NKAIN2: variants seen among roughly 807,000 people sequenced by gnomAD.
NKAIN2 encodes sodium/potassium transporting ATPase interacting 2.
A neutral mutation model predicts 32.6 loss-of-function variants in NKAIN2; 14 were observed. That is an observed-to-expected ratio of 0.43 (90% CI 0.28 to 0.67). NKAIN2 has a LOEUF of 0.67. Ranked by LOEUF, NKAIN2 falls within the 30% of genes least tolerant of loss-of-function variation. The probability of loss-of-function intolerance (pLI) is 0.17; values close to 1 mark genes in which losing one functional copy is unlikely to be tolerated. For missense variants in NKAIN2, 198 were observed against 258.3 expected, an observed-to-expected ratio of 0.77 and a Z score of 1.60; for synonymous variants, 80 against 87.2, an observed-to-expected ratio of 0.92 and a Z score of 0.46.
chr6:124,480,782 A>G (rs910075235), intron 3 of NKAIN2, among the ~76,000 whole-genome samples: 10 of 152,146 alleles, frequency 6.6e-5, no homozygotes, highest in African/African-American at 2.4e-4. Context: ...GAAAAGTGTA[A>G]TATCTGAAAT....
chr6:123,954,814 G>A (rs968778181), intron 1 of NKAIN2, among the ~76,000 whole-genome samples: 1 of 152,100 alleles, frequency 6.6e-6, no homozygotes, highest in Non-Finnish European at 1.5e-5. Context: ...CTTCAGCTCA[G>A]GTTTTGAGTC....
chr6:124,653,444 C>CAAAAAAA (rs35842873), intron 3 of NKAIN2, among the ~76,000 whole-genome samples: 15 of 79,662 alleles, frequency 1.9e-4, no homozygotes, highest in East Asian at 4.0e-4. Flanking sequence ...CATCCACATG[C>CAAAAAAA]AAAAAAAAAA....
intron 1 of NKAIN2, among the ~76,000 whole-genome samples, chr6:124,080,594 A>C (rs1315553891): frequency 1.3e-5 from 2 of 152,128 alleles, no homozygotes; most frequent in African/African-American, 4.8e-5. Context: ...AGACCAAAAA[A>C]CATTGTACCA....
intron 3 of NKAIN2, among the ~76,000 whole-genome samples, chr6:124,609,628 C>T (rs1782618945): frequency 6.6e-6 from 1 of 152,070 alleles, no homozygotes; most frequent in South Asian, 2.1e-4. Context: ...CACCTCCTCC[C>T]CTGCCTCTCC....
intron 1 of NKAIN2, among the ~76,000 whole-genome samples, chr6:123,865,608 G>A (rs1437531364): frequency 5.9e-5 from 9 of 151,964 alleles, no homozygotes; most frequent in Non-Finnish European, 1.5e-5. Context: ...CTTTAATGCA[G>A]TTATTTCACA....
At chr6:124,542,452 G>A (rs896507975) in intron 3 of NKAIN2, among the ~76,000 whole-genome samples, 2 of 151,992 alleles carry the variant, frequency 1.3e-5, no homozygotes, top group Non-Finnish European at 2.9e-5. Flanking sequence ...TAGGTGTCTT[G>A]GACAACTGCT....
chr6:124,506,353 T>C (rs1256844686), intron 3 of NKAIN2, among the ~76,000 whole-genome samples: 2 of 152,170 alleles, frequency 1.3e-5, no homozygotes, highest in South Asian at 2.1e-4. Flanking sequence ...TGGTCAAAAG[T>C]AGTGTTCTAT....
rs73565319 is a variant in NKAIN2, at chr6:124,523,189, C to A, written c.274-134997C>A. 3.1e-3 allele frequency among the ~76,000 whole-genome samples: 465 copies of A among 150,018 alleles called. 4 individuals carry two copies. The highest frequency in any genetic ancestry group is 0.011 in the African/African-American group (445 of 40,990). On this transcript the variant is annotated intron_variant, in intron 3 of 6. Coordinates refer to ENST00000368417, the MANE Select transcript of NKAIN2 (RefSeq NM_001040214.3). ...ATCTTTAACTGAATTTTTTTTCTAT[C>A]TAACTATTCATTTCCCGAATCCTCT...
At chr6:124,191,054 C>T (rs558740990) in intron 1 of NKAIN2, among the ~76,000 whole-genome samples, 72 of 152,284 alleles carry the variant, frequency 4.7e-4, no homozygotes, top group African/African-American at 1.6e-3. Context: ...GTGAGGTTCA[C>T]GCTTGCTGTT....
chr6:124,238,873 A>G (rs1055243451), intron 1 of NKAIN2, among the ~76,000 whole-genome samples: 4 of 152,212 alleles, frequency 2.6e-5, no homozygotes, highest in Non-Finnish European at 5.9e-5. Flanking sequence ...GCATCAACAA[A>G]TTGGCAAAAT....
At chr6:124,737,405 T>C (rs1297973492) in intron 4 of NKAIN2, among the ~76,000 whole-genome samples, 4 of 151,830 alleles carry the variant, frequency 2.6e-5, no homozygotes, top group Admixed American at 6.6e-5. Flanking sequence ...TCTGCCATGA[T>C]TGTAAGTTTC....
At chr6:124,439,284 G>A (rs1187560294) in intron 3 of NKAIN2, among the ~76,000 whole-genome samples, 2 of 151,598 alleles carry the variant, frequency 1.3e-5, no homozygotes, top group East Asian at 3.9e-4. Context: ...TACTCCCTAT[G>A]TTCATCCTAA....
At chr6:124,528,568 T>C (rs1040415030) in intron 3 of NKAIN2, among the ~76,000 whole-genome samples, 2 of 152,160 alleles carry the variant, frequency 1.3e-5, no homozygotes, top group African/African-American at 4.8e-5. Flanking sequence ...GATTACCACA[T>C]ATAGAGAAAT....
intron 3 of NKAIN2, among the ~76,000 whole-genome samples, chr6:124,632,016 T>C (rs1400916868): frequency 1.3e-5 from 2 of 152,152 alleles, no homozygotes; most frequent in African/African-American, 2.4e-5. Context: ...TATTTCTTCA[T>C]TGAGGTAGGT....
intron 1 of NKAIN2, among the ~76,000 whole-genome samples, chr6:124,167,762 A>G (rs1405645546): frequency 6.6e-6 from 1 of 152,194 alleles, no homozygotes; most frequent in Non-Finnish European, 1.5e-5. Context: ...CCTTTTCTGC[A>G]TCTATTGAGA....
At chr6:123,960,034 G>A (rs1174826083) in intron 1 of NKAIN2, among the ~76,000 whole-genome samples, 2 of 151,780 alleles carry the variant, frequency 1.3e-5, no homozygotes, top group African/African-American at 4.8e-5. Context: ...CCTATCTAAA[G>A]AGGTAAACAC....
chr6:124,779,314 GGGAGGGAAGGAA>G (rs1351384030), intron 4 of NKAIN2, among the ~76,000 whole-genome samples: 83 of 79,558 alleles, frequency 1.0e-3, no homozygotes, highest in Middle Eastern at 5.3e-3. Flanking sequence ...GAGGGAGGGA[GGGAGGGAAGGAA>G]GGAAGGAAGG....
chr6:124,398,397 C>T (rs865871873), intron 3 of NKAIN2, among the ~76,000 whole-genome samples: 2 of 150,794 alleles, frequency 1.3e-5, no homozygotes, highest in African/African-American at 2.4e-5. Flanking sequence ...ACTGAAGGCA[C>T]AAAAGTGGAA....
chr6:123,815,382 G>A (rs1017607041), intron 1 of NKAIN2, among the ~76,000 whole-genome samples: 5 of 152,092 alleles, frequency 3.3e-5, no homozygotes, highest in African/African-American at 1.2e-4. Context: ...ATTCATATAA[G>A]TTTAATTCAT....
Sources: allele counts gnomAD v4.1 joint callset (sites outside exome capture counted in the v4.1 genomes callset), GRCh38; gene constraint gnomAD v4.1.1; transcripts MANE v1.5; gene names NCBI Gene and HGNC (gene_info 2026-07-23, HGNC 2026-07-21).